Variants in EDARADD observed in about 807,000 individuals in gnomAD.
The protein encoded by EDARADD is ectodysplasin-A receptor-associated adapter protein.
Under a neutral mutation model 25.6 loss-of-function variants are expected in EDARADD, and 20 were observed. That is an observed-to-expected ratio of 0.78 (90% CI 0.55 to 1.14). EDARADD has a LOEUF of 1.14. Among genes scored for constraint, EDARADD ranks in the 50% most tolerant of loss-of-function variants. The probability of loss-of-function intolerance (pLI) is 0.00; values close to 1 mark genes in which losing one functional copy is unlikely to be tolerated. For synonymous variants in EDARADD, 86 were observed against 94.4 expected (o/e 0.91, Z 0.52); for missense variants, 225 against 270.1 (o/e 0.83, Z 1.17).
chr1:236,475,155 C>CAAA (rs56374605), intron 5 of EDARADD, among the ~76,000 whole-genome samples: 8 of 150,440 alleles, frequency 5.3e-5, no homozygotes, highest in Non-Finnish European at 8.9e-5. Context: ...CAAAACAAGA[C>CAAA]AAAAAAAAAC....
chr1:236,458,644 T>TC (rs1185776248), intron 4 of EDARADD, among the ~76,000 whole-genome samples: 53 of 143,444 alleles, frequency 3.7e-4, no homozygotes, highest in Admixed American at 3.4e-3. Context: ...TCTTTTTCTT[T>TC]TTTTTTTTTT....
intron 2 of EDARADD, among the ~76,000 whole-genome samples, chr1:236,413,826 C>T (rs16833650): frequency 0.033 from 5,028 of 152,216 alleles, 264 homozygotes; most frequent in African/African-American, 0.11. Flanking sequence ...CTGTCTCAGT[C>T]GACCCAGGCC....
intron 1 of EDARADD, among the ~76,000 whole-genome samples, chr1:236,404,081 C>T (rs1202187220): frequency 6.6e-6 from 1 of 152,172 alleles, no homozygotes. Flanking sequence ...CCTGGCGAAA[C>T]CACTGGCCTT....
At chr1:236,405,876 T>TC (rs1491188558) in intron 1 of EDARADD, among the ~76,000 whole-genome samples, 439 of 33,710 alleles carry the variant, frequency 0.013, 3 homozygotes, top group Non-Finnish European at 0.016. Context: ...CTTCCTTCCT[T>TC]CTTTCTTTCT....
rs1024349642 is a variant in EDARADD, at chr1:236,398,086, T to C, written c.61+3581T>C. On this transcript the variant is annotated intron_variant, in intron 1 of 5. Coordinates refer to ENST00000334232, the MANE Select transcript of EDARADD (RefSeq NM_145861.4). This position sits in a 1 kb window ranked among gnomAD's most constrained non-coding sequence, Gnocchi z 4.1. ...CCCACTCTTGCCTTCTGGTAACCTATTCTGCAAAAGGTTGCCAGGGCCATC... is the reference window on the plus strand; with the variant it reads ...CCCACTCTTGCCTTCTGGTAACCTACTCTGCAAAAGGTTGCCAGGGCCATC... 1.3e-4 allele frequency among the ~76,000 whole-genome samples: 20 copies of C among 152,164 alleles called. No individual in the cohort carries two copies. Among genetic ancestry groups the C allele is most frequent in the Admixed American group, 5.9e-4 (9 of 15,278 alleles).
At chr1:236,403,449 G>A (rs566553627) in intron 1 of EDARADD, among the ~76,000 whole-genome samples, 5 of 151,388 alleles carry the variant, frequency 3.3e-5, no homozygotes, top group South Asian at 2.1e-4. Flanking sequence ...CACCATGCCC[G>A]GCTAATTTTT....
chr1:236,379,452 T>C (rs1458608324), intron 3 of EDARADD, among the ~76,000 whole-genome samples: 1 of 151,934 alleles, frequency 6.6e-6, no homozygotes. Context: ...TGAGAAAGCT[T>C]CTATTGAAAT....
At chr1:236,473,555 A>T (rs1020012143) in intron 5 of EDARADD, among the ~76,000 whole-genome samples, 3 of 152,118 alleles carry the variant, frequency 2.0e-5, no homozygotes, top group South Asian at 2.1e-4. Flanking sequence ...ATGTAGGTGG[A>T]TTGCTTGAGT....
At chr1:236,426,464 A>T (rs905776054) in intron 3 of EDARADD, among the ~76,000 whole-genome samples, 6 of 152,200 alleles carry the variant, frequency 3.9e-5, no homozygotes, top group Admixed American at 2.0e-4. Context: ...CAGATGTTGT[A>T]CTTGAGAGCA....
chr1:236,385,345 CT>C (rs1279191460), intron 3 of EDARADD, among the ~76,000 whole-genome samples: 1 of 137,930 alleles, frequency 7.3e-6, no homozygotes. Flanking sequence ...GGAGGTGGAG[CT>C]TGCAGTGAGC....
chr1:236,476,393 A>G (rs1474721714), intron 5 of EDARADD, among the ~76,000 whole-genome samples: 1 of 152,048 alleles, frequency 6.6e-6, no homozygotes, highest in African/African-American at 2.4e-5. Flanking sequence ...CATTAAAAAA[A>G]TGTATATTTT....
At chr1:236,359,179 C>A (rs1195679694) in intron 3 of EDARADD, among the ~76,000 whole-genome samples, 2 of 152,192 alleles carry the variant, frequency 1.3e-5, no homozygotes, top group Non-Finnish European at 2.9e-5. Context: ...TCATCTCACC[C>A]TCACTCTCTA....
intron 4 of EDARADD, among the ~76,000 whole-genome samples, chr1:236,450,179 C>T (rs1039183244): frequency 2.6e-5 from 4 of 151,858 alleles, no homozygotes; most frequent in Non-Finnish European, 5.9e-5. Flanking sequence ...AGTCTGTAGT[C>T]CCAGCTACTT....
intron 1 of EDARADD, among the ~76,000 whole-genome samples, chr1:236,405,389 G>T (rs1273886567): frequency 1.3e-5 from 2 of 152,176 alleles, no homozygotes; most frequent in African/African-American, 4.8e-5. Flanking sequence ...AGAGTCTGAG[G>T]AGTGTTGATT....
intron 4 of EDARADD, among the ~76,000 whole-genome samples, chr1:236,452,083 A>G (rs982647001): frequency 6.6e-6 from 1 of 152,206 alleles, no homozygotes; most frequent in African/African-American, 2.4e-5. Context: ...TAGGTCTTCC[A>G]GTGGCAGAAA....
At chr1:236,481,187 T>G (rs1399328440) in intron 5 of EDARADD, among the ~76,000 whole-genome samples, 16 of 152,244 alleles carry the variant, frequency 1.1e-4, no homozygotes, top group Non-Finnish European at 1.3e-4. Flanking sequence ...TTCAAAGAAC[T>G]GTGCATTTTT....
At chr1:236,440,312 A>G (rs1658365768) in intron 4 of EDARADD, among the ~76,000 whole-genome samples, 1 of 152,102 alleles carries the variant, frequency 6.6e-6, no homozygotes, top group Admixed American at 6.6e-5. Context: ...CAGTCTTTCA[A>G]CTTTGTTCTT....
At chr1:236,367,420 G>A (rs1270757068) in intron 3 of EDARADD, among the ~76,000 whole-genome samples, 10 of 151,956 alleles carry the variant, frequency 6.6e-5, no homozygotes, top group Admixed American at 6.6e-4. Flanking sequence ...ACTAGAGACG[G>A]GTTTCACCAA....
intron 4 of EDARADD, among the ~76,000 whole-genome samples, chr1:236,458,945 A>AT (rs1403849390): frequency 2.0e-5 from 3 of 151,964 alleles, no homozygotes; most frequent in Non-Finnish European, 4.4e-5. Flanking sequence ...CCCAGCCGGT[A>AT]TTTTTTCAAA....
Sources: allele counts gnomAD v4.1 joint callset (sites outside exome capture counted in the v4.1 genomes callset), GRCh38; gene constraint gnomAD v4.1.1; non-coding constraint Gnocchi (gnomAD v3.1); transcripts MANE v1.5; gene names NCBI Gene and HGNC (gene_info 2026-07-23, HGNC 2026-07-21).